The following TTC6 variants were observed in gnomAD, a reference collection of about 807,000 sequenced individuals.
TTC6 encodes tetratricopeptide repeat protein 6.
A neutral mutation model predicts 210.4 loss-of-function variants in TTC6; 172 were observed. The ratio of observed to expected loss-of-function variants is 0.82; its 90% CI spans 0.72 to 0.93. The LOEUF (loss-of-function observed/expected upper bound fraction) is 0.93, where lower values mean the gene tolerates loss of function less well. Among genes scored for constraint, TTC6 ranks in the 40% least tolerant of loss-of-function variants. The pLI is 0.00. For synonymous variants in TTC6, 804 were observed against 819.6 expected, an observed-to-expected ratio of 0.98 and a Z score of 0.32; for missense variants, 2,414 against 2,318.1, an observed-to-expected ratio of 1.04 and a Z score of -0.85.
intron 29 of TTC6, 114 bp downstream of exon 31, chr14:37,827,480 C>G: frequency 2.2e-6 from 2 of 929,998 alleles, no homozygotes; most frequent in Non-Finnish European, 3.2e-6. Context: ...TGGCTATTAG[C>G]TCTTTTATTT....
chr14:37,835,276 A>G (rs1189176442), intron 29 of TTC6, among the ~76,000 whole-genome samples: 1 of 151,678 alleles, frequency 6.6e-6, no homozygotes, highest in Non-Finnish European at 1.5e-5. Flanking sequence ...TAGAAATACT[A>G]TTTTTTCCTG....
intron 14 of TTC6, among the ~76,000 whole-genome samples, chr14:37,761,149 C>T (rs2095983248): frequency 2.0e-5 from 3 of 152,226 alleles, no homozygotes; most frequent in Non-Finnish European, 2.9e-5. Context: ...GTGGTGTAGG[C>T]ACACAGGGAG....
intron 14 of TTC6, among the ~76,000 whole-genome samples, chr14:37,760,732 G>C (rs1197796647): frequency 6.6e-6 from 1 of 152,190 alleles, no homozygotes; most frequent in African/African-American, 2.4e-5. Context: ...GAGGAATCTA[G>C]AGAGGCAGTC....
At chr14:37,779,944 T>G (rs1457448824) in intron 14 of TTC6, among the ~76,000 whole-genome samples, 1 of 152,182 alleles carries the variant, frequency 6.6e-6, no homozygotes, top group Non-Finnish European at 1.5e-5. Context: ...CAGTCAAATC[T>G]TATCACTCCA....
intron 5 of TTC6, among the ~76,000 whole-genome samples, chr14:37,709,692 TA>T (rs10585657): frequency 0.33 from 41,459 of 126,170 alleles, 6,955 homozygotes; most frequent in Admixed American, 0.46. Flanking sequence ...TCATGTTTTG[TA>T]AAAAAAAAAA....
intron 1 of TTC6, among the ~76,000 whole-genome samples, chr14:37,651,413 ATATATATATATATTTTTTTTTT>A (rs1172281016): frequency 1.0e-3 from 24 of 22,914 alleles, no homozygotes; most frequent in South Asian, 7.6e-3. Context: ...ATATATATAT[ATATATATATATATTTTTTTTTT>A]TTTTTTTTTT....
chr14:37,627,847 C>A (rs1365426183), intron 1 of TTC6, among the ~76,000 whole-genome samples: 1 of 152,296 alleles, frequency 6.6e-6, no homozygotes, highest in South Asian at 2.1e-4. Flanking sequence ...ATTTCTGGTT[C>A]TAGATCCTTG....
chr14:37,829,953 A>G (rs562807704), intron 29 of TTC6, among the ~76,000 whole-genome samples: 1 of 152,184 alleles, frequency 6.6e-6, no homozygotes, highest in South Asian at 2.1e-4. Flanking sequence ...AAATATATTC[A>G]GTTCTCATCA....
At chr14:37,605,446 A>T (rs1271480047) in intron 1 of TTC6, among the ~76,000 whole-genome samples, 1 of 133,590 alleles carries the variant, frequency 7.5e-6, no homozygotes, top group Non-Finnish European at 1.6e-5. Flanking sequence ...AAGCTTATTA[A>T]TTTTTCTTGG....
At chr14:37,709,523 C>A (rs777884408) in intron 5 of TTC6, among the ~76,000 whole-genome samples, 1 of 151,264 alleles carries the variant, frequency 6.6e-6, no homozygotes. Context: ...TTGGAAATAC[C>A]CAAAAAGGAA....
intron 15 of TTC6, among the ~76,000 whole-genome samples, chr14:37,789,290 A>G (rs2096074138): frequency 6.6e-6 from 1 of 152,050 alleles, no homozygotes; most frequent in African/African-American, 2.4e-5. Context: ...TGAGAAAGCC[A>G]TAGCACAGAG....
At chr14:37,828,990 C>T (rs1488975917) in intron 29 of TTC6, among the ~76,000 whole-genome samples, 1 of 151,914 alleles carries the variant, frequency 6.6e-6, no homozygotes, top group Non-Finnish European at 1.5e-5. Flanking sequence ...AATATATATG[C>T]ATTATGAATT....
chr14:37,730,736 A>G (rs2095883741), intron 7 of TTC6, among the ~76,000 whole-genome samples: 1 of 152,166 alleles, frequency 6.6e-6, no homozygotes. Flanking sequence ...GATGTGGCAT[A>G]AAATTCTGTT....
At chr14:37,628,403 T>C (rs1434096283) in intron 1 of TTC6, among the ~76,000 whole-genome samples, 2 of 152,276 alleles carry the variant, frequency 1.3e-5, no homozygotes, top group Non-Finnish European at 2.9e-5. Flanking sequence ...CACATAAATG[T>C]CTTCTTTTGA....
chr14:37,822,998 T>C (rs191190122), intron 26 of TTC6, among the ~76,000 whole-genome samples: 6 of 152,344 alleles, frequency 3.9e-5, no homozygotes, highest in Admixed American at 3.9e-4. Context: ...AGTATCCTTA[T>C]TCCATTCCAT....
chr14:37,746,204 C>A (rs1397028207), intron 10 of TTC6, among the ~76,000 whole-genome samples: 1 of 152,128 alleles, frequency 6.6e-6, no homozygotes, highest in Non-Finnish European at 1.5e-5. Flanking sequence ...AAACAAATTT[C>A]TTGGCTCCCG....
intron 1 of TTC6, among the ~76,000 whole-genome samples, chr14:37,672,617 A>G (rs1342547550): frequency 6.6e-6 from 1 of 152,190 alleles, no homozygotes; most frequent in African/African-American, 2.4e-5. Flanking sequence ...ACCTAGAATC[A>G]GGCATATTAA....
chr14:37,674,371 C>G (rs754363915), intron 1 of TTC6, among the ~76,000 whole-genome samples: 7 of 152,000 alleles, frequency 4.6e-5, no homozygotes, highest in Non-Finnish European at 5.9e-5. Flanking sequence ...TGTTTCATAT[C>G]TAGAATTTCC....
intron 3 of TTC6, among the ~76,000 whole-genome samples, chr14:37,684,504 CAG>C (rs2095790285): frequency 6.6e-6 from 1 of 152,086 alleles, no homozygotes; most frequent in Non-Finnish European, 1.5e-5. Flanking sequence ...AGGTTTTGAT[CAG>C]AGTGACTTGG....
Sources: allele counts gnomAD v4.1 joint callset (sites outside exome capture counted in the v4.1 genomes callset), GRCh38; gene constraint gnomAD v4.1.1; transcripts MANE v1.5; gene names NCBI Gene and HGNC (gene_info 2026-07-23, HGNC 2026-07-21).